Variants in CLDN19 observed in about 807,000 individuals in gnomAD.
The protein encoded by CLDN19 is claudin 19, also known as claudin-19.
CLDN19 carries 19 observed loss-of-function variants against 24.5 expected under a neutral mutation model. The ratio of observed to expected loss-of-function variants is 0.78; its 90% CI spans 0.54 to 1.14. The LOEUF (loss-of-function observed/expected upper bound fraction) is 1.14. CLDN19 is among the 50% of genes most tolerant of loss of function. CLDN19 has a pLI of 0.00. For synonymous variants in CLDN19, 117 were observed against 129.6 expected, an observed-to-expected ratio of 0.90 and a Z score of 0.66; for missense variants, 250 against 295.9, an observed-to-expected ratio of 0.84 and a Z score of 1.14.
intron 4 of CLDN19, 74 bp downstream of exon 4, chr1:42,735,804 C>G (rs1285270660): frequency 6.5e-7 from 1 of 1,547,152 alleles, no homozygotes; most frequent in Non-Finnish European, 8.7e-7. Context: ...CAGGGTGCTG[C>G]GAGGCTGGCT....
At chr1:42,737,940 C>T (rs1341781473) in intron 3 of CLDN19, among the ~76,000 whole-genome samples, 1 of 152,224 alleles carries the variant, frequency 6.6e-6, no homozygotes, top group Non-Finnish European at 1.5e-5. Flanking sequence ...ATCTTGGCTT[C>T]CCAAAGTGCT....
At position 42,738,459 on chromosome 1, in the gene CLDN19, C is replaced by T. The variant is rs377319583; in HGVS notation, c.350G>A (p.Arg117His). 35 of 1,613,914 alleles carry T rather than the reference C, an allele frequency of 2.2e-5. No individual in the cohort carries two copies. Among genetic ancestry groups the T allele is most frequent in the East Asian group, 4.5e-5 (2 of 44,888 alleles). ...VGDSNPIAKG[R>H]VAIAGGALFI... ...GAGGGCTCCCCCGGCGATGGCAACACGGCCCTTGGCAATGGGGTTGCTGTC... is the reference window on the plus strand; with the variant it reads ...GAGGGCTCCCCCGGCGATGGCAACATGGCCCTTGGCAATGGGGTTGCTGTC... The change falls in exon 2 of 5, where the codon CGT becomes CAT. Residue 117 changes from arginine to histidine, a missense_variant. Physicochemically the swap from Arg to His is conservative, Grantham distance 29 (BLOSUM62 0). Coordinates refer to ENST00000296387, the MANE Select transcript of CLDN19 (RefSeq NM_148960.3).
chr1:42,735,812 G>A, intron 4 of CLDN19, 66 bp downstream of exon 4: 4 of 1,550,088 alleles, frequency 2.6e-6, no homozygotes, highest in Non-Finnish European at 3.5e-6. Context: ...TGCGAGGCTG[G>A]CTGGATGCTG....
At chr1:42,738,722 G>A (rs1320387038) in intron 1 of CLDN19, 137 bp from the exon 2 acceptor site, 3 of 759,014 alleles carry the variant, frequency 4.0e-6, no homozygotes, top group Non-Finnish European at 6.6e-6. Flanking sequence ...CCTTCTGGCA[G>A]GTGCAGGATA....
chr1:42,735,978 C>T lies in CLDN19; in HGVS notation c.526G>A (p.Val176Met), dbSNP rs772247940. The change falls in exon 4 of 5, where the codon GTG (valine) becomes ATG (methionine). Residue 176 changes from valine to methionine, a missense_variant. Physicochemically the swap from Val to Met is conservative, Grantham distance 21. Transcript: ENST00000296387. ...FVGWASAGLA[V>M]LGGSFLCCTC... ...CAGCAGAGGAAGGAGCCGCCCAGCA[C>T]GGCCAGGCCAGCTGAGGCCCAGCCC... 97 of 1,575,386 alleles carry T rather than the reference C, an allele frequency of 6.2e-5. No individual in the cohort carries two copies. Among genetic ancestry groups the T allele is most frequent in the East Asian group, 6.9e-5 (3 of 43,348 alleles).
At chr1:42,737,499 C>T (rs1275505423) in intron 3 of CLDN19, among the ~76,000 whole-genome samples, 2 of 152,232 alleles carry the variant, frequency 1.3e-5, no homozygotes, top group South Asian at 2.1e-4. Flanking sequence ...ACAGCTCAGG[C>T]TTGCTGGGTA....
chr1:42,736,629 C>G (rs923936203), intron 3 of CLDN19, among the ~76,000 whole-genome samples: 6 of 152,212 alleles, frequency 3.9e-5, no homozygotes, highest in African/African-American at 1.4e-4. Flanking sequence ...GCCTTCAGAG[C>G]CCAGTTCAGA....
At chr1:42,736,398 AT>A (rs1651373850) in intron 3 of CLDN19, among the ~76,000 whole-genome samples, 1 of 151,848 alleles carries the variant, frequency 6.6e-6, no homozygotes, top group African/African-American at 2.4e-5. Context: ...TCCCAGTCAC[AT>A]TCTGGCCCAC....
intron 3 of CLDN19, among the ~76,000 whole-genome samples, chr1:42,736,563 G>A (rs548051321): frequency 6.6e-6 from 1 of 150,976 alleles, no homozygotes; most frequent in South Asian, 2.1e-4. Flanking sequence ...GGCACCCCCA[G>A]CTGGGGCACC....
rs909468672 is a variant in CLDN19 at position 42,734,457 on chromosome 1, G to C, written c.*629C>G. ...AGGGGCAGGATTCGGGGTGAGCAGA[G>C]CTGGGGGCTGCAGACCTTGCTCAGG... is the stretch of plus-strand genomic sequence containing the variant. On this transcript the variant is annotated 3_prime_UTR_variant, in exon 5 of 5. Transcript: ENST00000296387. 6.5e-5 allele frequency: 10 copies of C among 153,290 alleles called. No homozygotes were observed. The highest frequency in any genetic ancestry group is 2.4e-4 in the African/African-American group (10 of 41,454). The allele number at this position is 153,290 out of a possible 1,614,324, so 9.5% of individuals were successfully genotyped here. A position where few individuals can be genotyped will look rare whatever the true frequency, so the allele number is the denominator to read the frequency against.
chr1:42,735,030 T>A lies in CLDN19; in HGVS notation c.*56A>T. 7.2e-7 allele frequency: 1 copy of A among 1,389,136 alleles called. No homozygotes were observed. Among genetic ancestry groups the A allele is most frequent in the Non-Finnish European group, 1.0e-6 (1 of 978,346 alleles). 86.1% of individuals were successfully genotyped at this position (1,389,136 alleles called of 1,614,324 possible). A position where few individuals can be genotyped will look rare whatever the true frequency, so the allele number is the denominator to read the frequency against. ...ATGTTCACTTCTCTTTCCAAAAAAATATGAAACACACAGTCTAGGTATGGC... is the reference window on the plus strand; with the variant it reads ...ATGTTCACTTCTCTTTCCAAAAAAAAATGAAACACACAGTCTAGGTATGGC... On this transcript the variant is annotated 3_prime_UTR_variant, in exon 5 of 5. Coordinates refer to ENST00000296387, the MANE Select transcript of CLDN19 (RefSeq NM_148960.3).
chr1:42,740,114 G>A lies in CLDN19; in HGVS notation c.-51C>T, dbSNP rs1651504564. On this transcript the variant is annotated 5_prime_UTR_variant, in exon 1 of 5. Transcript: ENST00000296387. Reference sequence around the variant, plus strand: ...CCAGGACTCAGAGCTGGGCCAGGGTGCCAGCAGGGGCTTTGGTCATGGCCA... The same window carrying A: ...CCAGGACTCAGAGCTGGGCCAGGGTACCAGCAGGGGCTTTGGTCATGGCCA... The A allele has an allele frequency of 1.4e-6, 2 of 1,414,176 alleles. No homozygotes were observed. Among genetic ancestry groups the A allele is most frequent in the Non-Finnish European group, 9.7e-7 (1 of 1,029,806 alleles). The allele number at this position is 1,414,176 out of a possible 1,614,324, so 87.6% of individuals were successfully genotyped here.
intron 3 of CLDN19, among the ~76,000 whole-genome samples, chr1:42,737,872 G>C (rs1012702835): frequency 9.9e-5 from 15 of 151,970 alleles, no homozygotes; most frequent in African/African-American, 2.4e-4. Flanking sequence ...TAATAGAGAC[G>C]GGGTTTCACC....
rs1651278770 is a variant in CLDN19, at chr1:42,734,127, A to AG, written c.*958dup. 6.6e-6 allele frequency: 1 copy of AG among 152,526 alleles called. No homozygotes were observed. The highest frequency in any genetic ancestry group is 2.1e-4 in the South Asian group (1 of 4,832). The allele number at this position is 152,526 out of a possible 1,614,324, so 9.4% of individuals were successfully genotyped here. The stretch of plus-strand genomic sequence containing the variant: ...TTGGGGTGGGAGAGGTCTGAGCATG[A>AG]GGGGCAGGGCACACTCTGGTTCAGG... On this transcript the variant is annotated 3_prime_UTR_variant, in exon 5 of 5. Coordinates refer to ENST00000296387, the MANE Select transcript of CLDN19 (RefSeq NM_148960.3).
At chr1:42,735,321 T>G in intron 4 of CLDN19, 187 bp from the exon 5 acceptor site, 1 of 1,481,528 alleles carries the variant, frequency 6.7e-7, no homozygotes, top group East Asian at 2.5e-5. Context: ...TCTGTGTAGG[T>G]GGCCCCCAGC....
chr1:42,735,178 G>A (rs1220634133), intron 4 of CLDN19, 44 bp from the exon 5 acceptor site: 3 of 1,612,454 alleles, frequency 1.9e-6, no homozygotes, highest in South Asian at 2.2e-5. Flanking sequence ...AGTGAGCTGT[G>A]GGGTCGGGGG....
intron 4 of CLDN19, chr1:42,735,502 G>C: frequency 7.1e-7 from 1 of 1,413,688 alleles, no homozygotes; most frequent in Non-Finnish European, 9.2e-7. Flanking sequence ...GTACGTCTTG[G>C]CCACTGCTCT....
intron 1 of CLDN19, 120 bp downstream of exon 1, chr1:42,739,721 T>C: frequency 1.2e-6 from 1 of 836,590 alleles, no homozygotes; most frequent in South Asian, 1.6e-5. Context: ...AGTGGGGGAA[T>C]TGTAGAGCGG....
rs74885359 is a variant in CLDN19, at chr1:42,735,184, G to A, written c.627-50C>T. The A allele has an allele frequency of 0.12, 190,617 of 1,610,092 alleles. 12,646 individuals are homozygous for A. The highest frequency in any genetic ancestry group is 0.14 in the Non-Finnish European group (159,248 of 1,178,002). The stretch of plus-strand genomic sequence containing the variant: ...GGTTAGTGGAGTGAGCTGTGGGGTC[G>A]GGGGCAGGGGCTGTGCATTCAGGCC... On this transcript the variant is annotated intron_variant, in intron 4 of 4. Transcript: ENST00000296387.
Sources: gnomAD v4.1 joint callset for allele counts (sites outside exome capture counted in the v4.1 genomes callset) on GRCh38, gnomAD v4.1.1 for gene constraint, MANE v1.5 for transcripts, NCBI Gene and HGNC (gene_info 2026-07-23, HGNC 2026-07-21) for gene names.